The following TRMT11 variants were observed in gnomAD, a reference collection of about 807,000 sequenced individuals.
The protein encoded by TRMT11 is tRNA methyltransferase 11, also known as tRNA (guanine(10)-N(2))-methyltransferase TRMT11.
TRMT11 carries 53 observed loss-of-function variants against 62.8 expected under a neutral mutation model. The observed-to-expected ratio is 0.84, with a 90% CI of 0.68 to 1.06. The LOEUF (loss-of-function observed/expected upper bound fraction) is 1.06, where lower values mean the gene tolerates loss of function less well. Ranked by LOEUF, TRMT11 falls within the 50% of genes least tolerant of loss-of-function variation. The pLI is 0.00. For synonymous variants in TRMT11, 188 were observed against 190.3 expected (o/e 0.99, Z 0.10); for missense variants, 556 against 553.4 (o/e 1.00, Z -0.05).
At chr6:126,119,039 A>G (rs1465326704) in intron 21 of TRMT11, among the ~76,000 whole-genome samples, 1 of 152,132 alleles carries the variant, frequency 6.6e-6, no homozygotes, top group Non-Finnish European at 1.5e-5. Context: ...TTATTTCCAT[A>G]GAGATCTGGA....
At chr6:126,269,221 G>A in the TRMT11 span, among the ~76,000 whole-genome samples, 1 of 130,100 alleles carries the variant, frequency 7.7e-6, no homozygotes, top group Middle Eastern at 5.0e-3. Context: ...CCGAGATCCC[G>A]CCACTGCACT....
intron 17 of TRMT11, among the ~76,000 whole-genome samples, chr6:126,090,217 T>TTCTCATATGTCTG (rs1400532756): frequency 6.6e-6 from 1 of 152,204 alleles, no homozygotes; most frequent in South Asian, 2.1e-4. Context: ...TGGCAACTCT[T>TTCTCATATGTCTG]TCTCATATGT....
At chr6:126,234,883 C>T in the TRMT11 span, among the ~76,000 whole-genome samples, 2 of 152,142 alleles carry the variant, frequency 1.3e-5, no homozygotes, top group African/African-American at 4.8e-5. Context: ...CTGAGGCAAA[C>T]ATTTTACTCT....
chr6:126,235,868 G>A, the TRMT11 span, among the ~76,000 whole-genome samples: 1 of 152,116 alleles, frequency 6.6e-6, no homozygotes, highest in African/African-American at 2.4e-5. Context: ...AAAAAAAGTT[G>A]GAAATAAAAA....
rs1454771903 is a variant in TRMT11 at position 126,053,054 on chromosome 6, A to G, written c.*1370-69A>G. Reference sequence around the variant, plus strand: ...CGGGGGATGTCACCTGATGCATTGGAACCTAAGGCTAGACCTTGAAGTGTA... The same window carrying G: ...CGGGGGATGTCACCTGATGCATTGGGACCTAAGGCTAGACCTTGAAGTGTA... On this transcript the variant is annotated intron_variant and NMD_transcript_variant, in intron 16 of 22. Coordinates refer to the TRMT11 transcript ENST00000648977. 4.6e-5 allele frequency among the ~76,000 whole-genome samples: 7 copies of G among 151,720 alleles called. No individual in the cohort carries two copies. The East Asian group carries it at 1.3e-3, about 29-fold the overall frequency.
At chr6:126,014,923 C>G (rs1463310110) in intron 11 of TRMT11, among the ~76,000 whole-genome samples, 1 of 151,892 alleles carries the variant, frequency 6.6e-6, no homozygotes, top group Admixed American at 6.6e-5. Context: ...TGCCAGATCT[C>G]GTATACTTAG....
intron 17 of TRMT11, among the ~76,000 whole-genome samples, chr6:126,089,801 A>C (rs1417534882): frequency 6.6e-6 from 1 of 152,240 alleles, no homozygotes; most frequent in Non-Finnish European, 1.5e-5. Context: ...GTTTTGGATG[A>C]TCTTGTAAAA....
At chr6:126,064,515 T>G (rs961074183) in intron 17 of TRMT11, among the ~76,000 whole-genome samples, 1 of 152,232 alleles carries the variant, frequency 6.6e-6, no homozygotes, top group African/African-American at 2.4e-5. Context: ...TGACTTGCAT[T>G]CTGAACTGGA....
At chr6:126,030,179 T>G (rs568618120) in intron 12 of TRMT11, among the ~76,000 whole-genome samples, 12 of 152,292 alleles carry the variant, frequency 7.9e-5, no homozygotes, top group African/African-American at 2.6e-4. Flanking sequence ...TGTCCTTGGT[T>G]TGGAAATGGC....
intron 17 of TRMT11, among the ~76,000 whole-genome samples, chr6:126,109,159 T>A (rs561354523): frequency 5.3e-5 from 8 of 152,156 alleles, no homozygotes; most frequent in Non-Finnish European, 1.0e-4. Context: ...ACCCACATTA[T>A]AATTATTGCA....
chr6:126,060,017 G>A (rs1460228242), intron 17 of TRMT11, among the ~76,000 whole-genome samples: 1 of 152,130 alleles, frequency 6.6e-6, no homozygotes, highest in Non-Finnish European at 1.5e-5. Flanking sequence ...TGGAAACGTG[G>A]GCAAGAACTG....
At chr6:126,170,177 C>A (rs866630748) in intron 21 of TRMT11, among the ~76,000 whole-genome samples, 3 of 152,016 alleles carry the variant, frequency 2.0e-5, no homozygotes, top group African/African-American at 7.2e-5. Flanking sequence ...CCTCTCTGTG[C>A]CCTTTTTCAT....
chr6:126,024,460 T>G (rs1796264257), intron 12 of TRMT11, among the ~76,000 whole-genome samples: 1 of 152,232 alleles, frequency 6.6e-6, no homozygotes, highest in African/African-American at 2.4e-5. Context: ...CAGGCTAGAA[T>G]ACAGTGGCAC....
intron 17 of TRMT11, among the ~76,000 whole-genome samples, chr6:126,106,199 A>G (rs1242937288): frequency 1.3e-5 from 2 of 150,600 alleles, no homozygotes. Context: ...GCTGGAGTGC[A>G]GTGGTATGAT....
chr6:126,041,427 A>G (rs1206001036), downstream of TRMT11, among the ~76,000 whole-genome samples: 2 of 152,154 alleles, frequency 1.3e-5, no homozygotes, highest in Admixed American at 1.3e-4. Context: ...ATAGATGCCA[A>G]TATAAGCAAC....
intron 17 of TRMT11, among the ~76,000 whole-genome samples, chr6:126,100,369 GTCTCATTTCTTATT>G (rs1323809198): frequency 1.3e-5 from 2 of 152,296 alleles, no homozygotes; most frequent in East Asian, 1.9e-4. Context: ...AGCTTAGGCA[GTCTCATTTCTTATT>G]TCTCATTTCT....
chr6:126,041,685 T>C (rs1775884179), downstream of TRMT11, among the ~76,000 whole-genome samples: 1 of 152,170 alleles, frequency 6.6e-6, no homozygotes, highest in Non-Finnish European at 1.5e-5. Context: ...AAAAAAATTC[T>C]TTGTAGATAA....
At chr6:126,033,815 A>G (rs1040425498) in intron 12 of TRMT11, among the ~76,000 whole-genome samples, 2 of 152,196 alleles carry the variant, frequency 1.3e-5, no homozygotes, top group African/African-American at 4.8e-5. Flanking sequence ...TGCTCCAGCC[A>G]GCAGAGGGTA....
At chr6:126,219,747 T>C in the TRMT11 span, among the ~76,000 whole-genome samples, 1 of 152,254 alleles carries the variant, frequency 6.6e-6, no homozygotes, top group Non-Finnish European at 1.5e-5. Flanking sequence ...CAAGTACTTT[T>C]TGTTTTTACT....
Sources: gnomAD v4.1 joint callset for allele counts (sites outside exome capture counted in the v4.1 genomes callset) on GRCh38, gnomAD v4.1.1 for gene constraint, MANE v1.5 for transcripts, NCBI Gene and HGNC (gene_info 2026-07-23, HGNC 2026-07-21) for gene names.